Variants in GDE1 observed in about 807,000 individuals in gnomAD.
The protein encoded by GDE1 is glycerophosphodiester phosphodiesterase 1.
Under a neutral mutation model 32.2 loss-of-function variants are expected in GDE1, and 24 were observed. The observed-to-expected ratio is 0.75, with a 90% CI of 0.54 to 1.05. The LOEUF is 1.05. Among genes scored for constraint, GDE1 ranks in the 50% least tolerant of loss-of-function variants. GDE1 has a pLI of 0.00. For missense variants in GDE1, 380 were observed against 415.0 expected (o/e 0.92, Z 0.73); for synonymous variants, 159 against 158.6 (o/e 1.00, Z -0.02).
chr16:19,512,927 TTGTG>T lies in GDE1; in HGVS notation c.438-1987_438-1984del, dbSNP rs144957791. On this transcript the variant is annotated intron_variant, in intron 2 of 5. Coordinates refer to ENST00000353258, the MANE Select transcript of GDE1 (RefSeq NM_016641.4). ...TATTCCACTGGTCTATGTATCTGTT[TTGTG>T]TGTGTGTGTGTGTGTGTGTGTGTGT... is the stretch of plus-strand genomic sequence containing the variant. Among the ~76,000 whole-genome samples, 1,352 of 137,090 alleles carry T rather than the reference TTGTG, an allele frequency of 9.9e-3. 23 individuals carry two copies. The highest frequency in any genetic ancestry group is 0.024 in the African/African-American group (866 of 35,868). The allele number at this position is 137,090 out of a possible 152,430, so 89.9% of individuals were successfully genotyped here.
chr16:19,518,118 G>T (rs1340676867), intron 1 of GDE1, among the ~76,000 whole-genome samples: 1 of 151,980 alleles, frequency 6.6e-6, no homozygotes, highest in Non-Finnish European at 1.5e-5. Flanking sequence ...GAACTCCTGA[G>T]ATCAAGCAAT....
At chr16:19,503,981 T>C (rs538080969) in intron 5 of GDE1, 1 of 166,176 alleles carries the variant, frequency 6.0e-6, no homozygotes, top group African/African-American at 2.4e-5. Context: ...AGAATATTAA[T>C]TTTCTTTCAC....
intron 2 of GDE1, among the ~76,000 whole-genome samples, chr16:19,514,363 T>C (rs1474757796): frequency 6.6e-6 from 1 of 152,162 alleles, no homozygotes; most frequent in African/African-American, 2.4e-5. Context: ...CAAATACAGA[T>C]ATTCTTGACC....
At chr16:19,520,206 A>G (rs1375125828) in intron 1 of GDE1, among the ~76,000 whole-genome samples, 3 of 152,030 alleles carry the variant, frequency 2.0e-5, no homozygotes, top group Non-Finnish European at 4.4e-5. Context: ...TTACACCCAC[A>G]GTACATTCTC....
intron 2 of GDE1, among the ~76,000 whole-genome samples, chr16:19,512,559 T>C (rs968757081): frequency 3.9e-5 from 6 of 152,192 alleles, no homozygotes; most frequent in African/African-American, 1.4e-4. Context: ...AGAAGCTTTT[T>C]AGTTTAATAT....
chr16:19,516,281 T>C (rs906744766), intron 2 of GDE1, among the ~76,000 whole-genome samples: 1 of 152,194 alleles, frequency 6.6e-6, no homozygotes, highest in Non-Finnish European at 1.5e-5. Context: ...AAACTTGGGA[T>C]AGATTCTAGT....
At chr16:19,515,722 T>G (rs1969372835) in intron 2 of GDE1, among the ~76,000 whole-genome samples, 1 of 152,158 alleles carries the variant, frequency 6.6e-6, no homozygotes. Context: ...TTCGGCAGAC[T>G]AATGTTTTTC....
chr16:19,516,920 A>G, intron 2 of GDE1, 94 bp downstream of exon 2: 1 of 1,089,830 alleles, frequency 9.2e-7, no homozygotes, highest in Non-Finnish European at 1.4e-6. Flanking sequence ...AAAACAAGAC[A>G]ACTCTCCTGG....
intron 3 of GDE1, among the ~76,000 whole-genome samples, chr16:19,510,278 A>G (rs1381753933): frequency 6.6e-6 from 1 of 152,226 alleles, no homozygotes; most frequent in Non-Finnish European, 1.5e-5. Flanking sequence ...TGATTTTCTG[A>G]TAAAAGTATA....
chr16:19,515,180 T>C (rs1168415687), intron 2 of GDE1, among the ~76,000 whole-genome samples: 1 of 152,200 alleles, frequency 6.6e-6, no homozygotes, highest in African/African-American at 2.4e-5. Context: ...GAATTTGTTA[T>C]TCCTTTGGCT....
Position 19,502,876 on chromosome 16 carries a change from C to G in GDE1, c.*594G>C, listed in dbSNP as rs1023058493. 2.0e-5 allele frequency: 3 copies of G among 152,312 alleles called. No individual in the cohort carries two copies. Among genetic ancestry groups the G allele is most frequent in the African/African-American group, 7.2e-5 (3 of 41,458 alleles). The allele number at this position is 152,312 out of a possible 1,614,324, so 9.4% of individuals were successfully genotyped here. A position where few individuals can be genotyped will look rare whatever the true frequency, so the allele number is the denominator to read the frequency against. On this transcript the variant is annotated 3_prime_UTR_variant, in exon 6 of 6. Coordinates refer to ENST00000353258, the MANE Select transcript of GDE1 (RefSeq NM_016641.4). ...TCTATTCAAGATGCTATAAATCCCT[C>G]ATTGGCTTCAAGACCTCCCTACCAT...
chr16:19,507,031 T>C (rs1252109929), intron 4 of GDE1, among the ~76,000 whole-genome samples: 2 of 149,074 alleles, frequency 1.3e-5, no homozygotes, highest in Non-Finnish European at 3.0e-5. Context: ...CCCAGCTACT[T>C]GGAAGGCTGA....
rs1309085457 is a variant in GDE1, at chr16:19,522,053, C to T, written c.-89G>A. The T allele has an allele frequency of 7.4e-7, 1 of 1,357,030 alleles. No homozygotes were observed. Among genetic ancestry groups the T allele is most frequent in the Non-Finnish European group, 9.8e-7 (1 of 1,017,332 alleles). 84.1% of individuals were successfully genotyped at this position (1,357,030 alleles called of 1,614,324 possible). On this transcript the variant is annotated 5_prime_UTR_variant, in exon 1 of 6. Transcript: ENST00000353258. ...GAGAAGCGAGGGGGAGGGTCCAAGG[C>T]ACCGGCAGCAGCAGGAACCCTCTGA...
chr16:19,504,900 G>T lies in GDE1; in HGVS notation c.829C>A (p.Gln277Lys). 1 of 1,610,762 alleles carries T rather than the reference G, an allele frequency of 6.2e-7. No homozygotes were observed. The highest frequency in any genetic ancestry group is 8.5e-7 in the Non-Finnish European group (1 of 1,177,464). Reference sequence around the variant, plus strand: ...ACTTACGGGGATACAAAATCCTTTTGCATGAGGAAAGCTGAAATTCCACAC... The same window carrying T: ...ACTTACGGGGATACAAAATCCTTTTTCATGAGGAAAGCTGAAATTCCACAC... ...YLCGISAFLM[Q>K]KDFVSPAYLK... Residue 277 changes from glutamine to lysine, a missense_variant, in exon 5 of 6, where the codon CAA becomes AAA. Physicochemically the swap from Gln to Lys is moderately conservative, Grantham distance 53 (BLOSUM62 1). Transcript: ENST00000353258.
At chr16:19,505,839 G>A (rs190996613) in intron 4 of GDE1, among the ~76,000 whole-genome samples, 83 of 152,214 alleles carry the variant, frequency 5.5e-4, no homozygotes, top group Admixed American at 1.2e-3. Context: ...AGAATGCTAC[G>A]GAACCAGCTT....
intron 3 of GDE1, among the ~76,000 whole-genome samples, chr16:19,509,658 CA>C (rs1457145080): frequency 1.8e-4 from 26 of 140,674 alleles, no homozygotes; most frequent in African/African-American, 7.2e-4. Context: ...CTCCACATTT[CA>C]GGTTTTTTTT....
At position 19,522,018 on chromosome 16, in the gene GDE1, G is replaced by A; in HGVS notation, c.-54C>T. 6.7e-7 allele frequency: 1 copy of A among 1,492,610 alleles called. No individual in the cohort carries two copies. Among genetic ancestry groups the A allele is most frequent in the Non-Finnish European group, 8.9e-7 (1 of 1,118,848 alleles). The allele number at this position is 1,492,610 out of a possible 1,614,324, so 92.5% of individuals were successfully genotyped here. ...GTCCCGGACCCGCCGGGCTCCTGGG[G>A]CAGTAGAACGAGAAGCGAGGGGGAG... On this transcript the variant is annotated 5_prime_UTR_variant, in exon 1 of 6. Coordinates refer to ENST00000353258, the MANE Select transcript of GDE1 (RefSeq NM_016641.4).
At position 19,511,100 on chromosome 16, in the gene GDE1, A is replaced by G. The variant is rs547049809; in HGVS notation, c.438-156T>C. Among the ~76,000 whole-genome samples, 25 of 151,954 alleles carry G rather than the reference A, an allele frequency of 1.6e-4. No homozygotes were observed. In the East Asian group the frequency reaches 3.3e-3, roughly 20 times the overall value. On this transcript the variant is annotated intron_variant, in intron 2 of 5. Coordinates refer to ENST00000353258, the MANE Select transcript of GDE1 (RefSeq NM_016641.4). Reference sequence around the variant, plus strand: ...GCAAAGTCCAAAGATACTTTACTTTAAGATTTTTTTTTTTTTTTTTGAGAC... The same window carrying G: ...GCAAAGTCCAAAGATACTTTACTTTGAGATTTTTTTTTTTTTTTTTGAGAC...
chr16:19,521,794 C>T lies in GDE1; in HGVS notation c.171G>A (p.Gln57=). The change falls in exon 1 of 6, where the codon CAG becomes CAA. Residue 57 remains glutamine (Q), a synonymous_variant. Transcript: ENST00000353258. ...FEPVPSCRAL[Q]VLKPRDRISA... ...AAATGCGGTCCCGGGGCTTGAGCAC[C>T]TGCAGGGCCCTGCAAGAGGGCACCG... The T allele has an allele frequency of 1.2e-6, 2 of 1,611,598 alleles. No individual in the cohort carries two copies. The highest frequency in any genetic ancestry group is 8.5e-7 in the Non-Finnish European group (1 of 1,179,454).
Sources: gnomAD v4.1 joint callset for allele counts (sites outside exome capture counted in the v4.1 genomes callset) on GRCh38, gnomAD v4.1.1 for gene constraint, MANE v1.5 for transcripts, NCBI Gene and HGNC (gene_info 2026-07-23, HGNC 2026-07-21) for gene names.